Variants in SMARCA1 observed in about 807,000 individuals in gnomAD.
SMARCA1 encodes SWI/SNF-related matrix-associated actin-dependent regulator of chromatin subfamily A member 1.
SMARCA1 carries 17 observed loss-of-function variants against 93.6 expected under a neutral mutation model. That is an observed-to-expected ratio of 0.18 (90% CI 0.12 to 0.27). The LOEUF (loss-of-function observed/expected upper bound fraction) is 0.27, where lower values mean the gene tolerates loss of function less well. Among genes scored for constraint, SMARCA1 ranks in the 10% least tolerant of loss-of-function variants. SMARCA1 has a pLI of 1.00. For missense variants in SMARCA1, 630 were observed against 819.0 expected, an observed-to-expected ratio of 0.77 and a Z score of 2.82; for synonymous variants, 271 against 271.4, an observed-to-expected ratio of 1.00 and a Z score of 0.01.
intron 6 of SMARCA1, among the ~76,000 whole-genome samples, chrX:129,511,128 ATATAT>A (rs1165750212): frequency 9.0e-6 from 1 of 111,565 alleles, no homozygotes; most frequent in South Asian, 3.7e-4. Context: ...TTTTTACATA[ATATAT>A]TATTTTTAGA....
At chrX:129,484,211 T>C (rs1009505505) in intron 17 of SMARCA1, among the ~76,000 whole-genome samples, 1 of 112,396 alleles carries the variant, frequency 8.9e-6, no homozygotes, top group African/African-American at 3.2e-5. Flanking sequence ...TAGACTTCAT[T>C]GTTTAAAATT....
intron 1 of SMARCA1, among the ~76,000 whole-genome samples, chrX:129,522,639 C>T (rs1961408540): frequency 9.0e-6 from 1 of 111,208 alleles, no homozygotes; most frequent in African/African-American, 3.3e-5. Flanking sequence ...TCCAAAAGAC[C>T]GACATTGCCA....
At chrX:129,456,110 T>C (rs1932610198) in intron 23 of SMARCA1, among the ~76,000 whole-genome samples, 1 of 111,730 alleles carries the variant, frequency 9.0e-6, no homozygotes, top group Non-Finnish European at 1.9e-5. Flanking sequence ...AAGCAGCTGG[T>C]GACTTTAAAT....
intron 23 of SMARCA1, among the ~76,000 whole-genome samples, chrX:129,453,597 T>C (rs1366048627): frequency 7.1e-5 from 8 of 111,944 alleles, no homozygotes; most frequent in Admixed American, 2.9e-4. Flanking sequence ...TTCAGCAAAG[T>C]CTCAGGATAC....
At chrX:129,517,689 GA>G (rs945097759) in intron 2 of SMARCA1, among the ~76,000 whole-genome samples, 10 of 107,283 alleles carry the variant, frequency 9.3e-5, no homozygotes, top group South Asian at 4.0e-4. Flanking sequence ...CCCCTCAGAG[GA>G]AAAAAAAATC....
chrX:129,470,044 TA>T (rs776512531), intron 20 of SMARCA1, among the ~76,000 whole-genome samples: 6 of 111,452 alleles, frequency 5.4e-5, no homozygotes, highest in Non-Finnish European at 1.1e-4. Flanking sequence ...ATCCATACAA[TA>T]AAATTACGTT....
At chrX:129,501,610 T>G (rs993131398) in intron 9 of SMARCA1, among the ~76,000 whole-genome samples, 8 of 98,632 alleles carry the variant, frequency 8.1e-5, no homozygotes, top group Non-Finnish European at 1.2e-4. Flanking sequence ...AAACTTTTTT[T>G]GGGGGGGGAG....
At chrX:129,457,369 T>C (rs1369432749) in intron 23 of SMARCA1, among the ~76,000 whole-genome samples, 1 of 112,103 alleles carries the variant, frequency 8.9e-6, no homozygotes, top group African/African-American at 3.2e-5. Flanking sequence ...GAACCTGAAA[T>C]ATGTCCAGTG....
intron 24 of SMARCA1, 136 bp from the exon 25 acceptor site, chrX:129,447,369 A>T: frequency 1.6e-6 from 1 of 612,453 alleles, no homozygotes. Context: ...ATTCACAGTT[A>T]ATGTTCTATA....
chrX:129,499,466 G>C (rs1235404809), intron 10 of SMARCA1, among the ~76,000 whole-genome samples: 4 of 111,569 alleles, frequency 3.6e-5, no homozygotes, highest in Non-Finnish European at 7.5e-5. Context: ...GGAAATTTAG[G>C]CTATGTAACT....
At chrX:129,469,233 G>C (rs1933010572) in intron 20 of SMARCA1, among the ~76,000 whole-genome samples, 1 of 111,151 alleles carries the variant, frequency 9.0e-6, no homozygotes, top group Non-Finnish European at 1.9e-5. Flanking sequence ...TGATATTCTA[G>C]TACTTCAATG....
rs779496771 is a variant in SMARCA1, at chrX:129,469,860, A to G, written c.2566-955T>C. 2.7e-5 allele frequency among the ~76,000 whole-genome samples: 3 copies of G among 112,299 alleles called. No homozygotes were observed. The East Asian group carries it at 8.3e-4, about 31-fold the overall frequency. ...AAGTCATGTAGCATTCTAAAGCCAT[A>G]ACTTTACTTTTACATTCAGGAAATA... On this transcript the variant is annotated intron_variant, in intron 20 of 24. Transcript: ENST00000371121.
Position 129,523,227 on chromosome X carries a change from C to CGCGGTGGCTTCGGTGGCCGCG in SMARCA1, c.123_143dup (p.Ala43_Ala49dup). On this transcript the variant is annotated inframe_insertion, in exon 1 of 25. Coordinates refer to ENST00000371121, the MANE Select transcript of SMARCA1 (RefSeq NM_001282874.2). ...TCTTCTTCTCGCCCTTCTCCGTGGC[C>CGCGGTGGCTTCGGTGGCCGCG]GCGGTGGCTTCGGTGGCCGCGGCGG... 8.3e-7 allele frequency: 1 copy of CGCGGTGGCTTCGGTGGCCGCG among 1,211,393 alleles called. No homozygotes were observed. The highest frequency in any genetic ancestry group is 1.1e-6 in the Non-Finnish European group (1 of 895,279).
chrX:129,454,074 A>G (rs925531430), intron 23 of SMARCA1, among the ~76,000 whole-genome samples: 2 of 111,753 alleles, frequency 1.8e-5, no homozygotes, highest in Non-Finnish European at 3.8e-5. Flanking sequence ...AAACAGCATG[A>G]TATTGGTACC....
chrX:129,519,791 A>T (rs1309754546), intron 1 of SMARCA1, among the ~76,000 whole-genome samples: 3 of 111,906 alleles, frequency 2.7e-5, no homozygotes, highest in Non-Finnish European at 5.7e-5. Context: ...TTTCAAAGCA[A>T]CAAGAAAAAT....
intron 9 of SMARCA1, among the ~76,000 whole-genome samples, 183 bp downstream of exon 9, chrX:129,504,549 TAA>T (rs780225300): frequency 8.1e-3 from 196 of 24,120 alleles, no homozygotes; most frequent in African/African-American, 0.027. Flanking sequence ...CATAGAGGAA[TAA>T]AAAAAAAAAA....
intron 9 of SMARCA1, among the ~76,000 whole-genome samples, chrX:129,503,964 CAA>C (rs77290378): frequency 2.4e-3 from 144 of 60,176 alleles, no homozygotes; most frequent in Admixed American, 6.1e-3. Flanking sequence ...GACTCTCTCT[CAA>C]AAAAAAAAAA....
chrX:129,478,119 G>C lies in SMARCA1; in HGVS notation c.2442+2582C>G, dbSNP rs762634596. 1.7e-4 allele frequency among the ~76,000 whole-genome samples: 19 copies of C among 111,640 alleles called. 1 individual carries two copies. The highest frequency in any genetic ancestry group is 4.8e-4 in the Admixed American group (5 of 10,485). On this transcript the variant is annotated intron_variant, in intron 19 of 24. Coordinates refer to ENST00000371121, the MANE Select transcript of SMARCA1 (RefSeq NM_001282874.2). ...ACATTTCCTTAGGGAACACTTCCCT[G>C]ATCTCCCAGTCCACATGAGATACCC...
chrX:129,491,040 C>T (rs1251694452), intron 14 of SMARCA1, among the ~76,000 whole-genome samples: 1 of 111,725 alleles, frequency 9.0e-6, no homozygotes, highest in Non-Finnish European at 1.9e-5. Context: ...GGGCTTACTC[C>T]TAGTTAGTCA....
Sources: gnomAD v4.1 joint callset for allele counts (sites outside exome capture counted in the v4.1 genomes callset) on GRCh38, gnomAD v4.1.1 for gene constraint, MANE v1.5 for transcripts, NCBI Gene and HGNC (gene_info 2026-07-23, HGNC 2026-07-21) for gene names.